The following EYS variants were observed in gnomAD, a reference collection of about 807,000 sequenced individuals.
The protein encoded by EYS is EGF-like photoreceptor maintenance factor.
A neutral mutation model predicts 282.1 loss-of-function variants in EYS; 250 were observed. The ratio of observed to expected loss-of-function variants is 0.89; its 90% CI spans 0.80 to 0.98. The LOEUF (loss-of-function observed/expected upper bound fraction) is 0.98, where lower values mean the gene tolerates loss of function less well. Among genes scored for constraint, EYS ranks in the 50% least tolerant of loss-of-function variants. The probability of loss-of-function intolerance (pLI) is 0.00; values close to 1 mark genes in which losing one functional copy is unlikely to be tolerated. For missense variants in EYS, 4,016 were observed against 3,709.0 expected (o/e 1.08, Z -2.15); for synonymous variants, 1,355 against 1,282.9 (o/e 1.06, Z -1.20).
At chr6:64,907,055 T>A (rs1226155863) in intron 16 of EYS, among the ~76,000 whole-genome samples, 2 of 152,124 alleles carry the variant, frequency 1.3e-5, no homozygotes, top group Non-Finnish European at 2.9e-5. Context: ...TTTATTATTA[T>A]TATTTTTTAT....
At chr6:64,264,416 A>G (rs867372987) in intron 30 of EYS, among the ~76,000 whole-genome samples, 22 of 152,136 alleles carry the variant, frequency 1.4e-4, no homozygotes, top group African/African-American at 5.1e-4. Flanking sequence ...TCTGTTCCAC[A>G]AGTTATCTCT....
In EYS at chr6:65,256,181, G is replaced by T. The variant is rs572239938; in HGVS notation, c.2023+39682C>A. 2.6e-5 allele frequency among the ~76,000 whole-genome samples: 4 copies of T among 151,670 alleles called. No homozygotes were observed. In the South Asian group the frequency reaches 8.3e-4, roughly 32 times the overall value. ...CTATTCAGTCATAAAAAAGAATGCG[G>T]TCCTATCATTGGCAACAACATGAAT... On this transcript the variant is annotated intron_variant, in intron 12 of 42. Transcript: ENST00000503581.
intron 11 of EYS, among the ~76,000 whole-genome samples, chr6:65,324,866 G>A (rs1262824601): frequency 6.6e-6 from 1 of 152,216 alleles, no homozygotes; most frequent in Non-Finnish European, 1.5e-5. Flanking sequence ...TCCTCACGAA[G>A]TGTCAGAGAG....
intron 36 of EYS, among the ~76,000 whole-genome samples, chr6:63,835,388 C>T (rs1771778934): frequency 6.6e-6 from 1 of 151,044 alleles, no homozygotes; most frequent in Non-Finnish European, 1.5e-5. Context: ...TACTACACAG[C>T]CATAGAAAGG....
At chr6:65,444,207 T>C (rs948646254) in intron 5 of EYS, among the ~76,000 whole-genome samples, 1 of 151,964 alleles carries the variant, frequency 6.6e-6, no homozygotes, top group Non-Finnish European at 1.5e-5. Flanking sequence ...AGTCTCAAAA[T>C]ATATATTTTT....
intron 31 of EYS, among the ~76,000 whole-genome samples, chr6:64,206,171 T>C (rs997971533): frequency 6.6e-6 from 1 of 152,150 alleles, no homozygotes; most frequent in Non-Finnish European, 1.5e-5. Context: ...TAAAAATAAG[T>C]TTATTCTATT....
At chr6:65,092,906 G>A (rs1774617050) in intron 12 of EYS, among the ~76,000 whole-genome samples, 1 of 152,102 alleles carries the variant, frequency 6.6e-6, no homozygotes, top group South Asian at 2.1e-4. Context: ...AAGGCAGAAA[G>A]CTTATCTAAA....
At chr6:64,125,793 A>G (rs1246182486) in intron 31 of EYS, among the ~76,000 whole-genome samples, 1 of 150,360 alleles carries the variant, frequency 6.7e-6, no homozygotes, top group East Asian at 1.9e-4. Context: ...CTCAAAAAAA[A>G]AAAAAAAAAA....
intron 31 of EYS, among the ~76,000 whole-genome samples, chr6:64,103,315 T>A (rs556020538): frequency 6.6e-6 from 1 of 152,208 alleles, no homozygotes; most frequent in Non-Finnish European, 1.5e-5. Flanking sequence ...GAAACACTTA[T>A]TCATTATAAA....
At chr6:65,280,765 C>T (rs1010196391) in intron 12 of EYS, among the ~76,000 whole-genome samples, 1 of 151,306 alleles carries the variant, frequency 6.6e-6, no homozygotes, top group African/African-American at 2.4e-5. Flanking sequence ...CGCCTGTAAT[C>T]CCAGCACTTT....
chr6:64,392,580 G>A (rs967154773), intron 28 of EYS, among the ~76,000 whole-genome samples: 67 of 151,868 alleles, frequency 4.4e-4, no homozygotes, highest in African/African-American at 1.6e-3. Flanking sequence ...TGAAACCAAT[G>A]AGAACAAAGA....
At chr6:65,690,388 C>T (rs1240772950) in intron 1 of EYS, among the ~76,000 whole-genome samples, 1 of 149,748 alleles carries the variant, frequency 6.7e-6, no homozygotes, top group Non-Finnish European at 1.5e-5. Flanking sequence ...TCCATATGGA[C>T]AGGTGCCCCT....
intron 2 of EYS, among the ~76,000 whole-genome samples, chr6:65,596,064 T>C (rs888036386): frequency 1.3e-5 from 2 of 152,034 alleles, no homozygotes; most frequent in Non-Finnish European, 2.9e-5. Context: ...CCGGTAAAAT[T>C]CTGAGGCCTG....
At chr6:65,671,374 T>G (rs1049513590) in intron 1 of EYS, among the ~76,000 whole-genome samples, 4 of 152,052 alleles carry the variant, frequency 2.6e-5, no homozygotes, top group African/African-American at 9.7e-5. Context: ...TTTTGTAAGG[T>G]TCTAAAATTT....
intron 36 of EYS, among the ~76,000 whole-genome samples, chr6:63,825,191 A>G (rs1472809547): frequency 6.6e-6 from 1 of 152,094 alleles, no homozygotes; most frequent in Admixed American, 6.5e-5. Flanking sequence ...CCTCCTAGGT[A>G]CACAACTCCA....
At chr6:65,539,730 C>A (rs1294370435) in intron 2 of EYS, among the ~76,000 whole-genome samples, 1 of 152,136 alleles carries the variant, frequency 6.6e-6, no homozygotes, top group Non-Finnish European at 1.5e-5. Flanking sequence ...CAGCAGTTTG[C>A]TTTAAAAAAT....
In EYS at chr6:64,346,298, A is replaced by G. The variant is rs527798682; in HGVS notation, c.6079-39216T>C. Among the ~76,000 whole-genome samples the G allele has an allele frequency of 2.0e-3, 308 of 152,252 alleles. 1 individual carries two copies. Among genetic ancestry groups the G allele is most frequent in the Admixed American group, 3.3e-3 (51 of 15,270 alleles). On this transcript the variant is annotated intron_variant, in intron 29 of 42. Transcript: ENST00000503581. ...TTCACAATAGCAAAGACTTGGAACC[A>G]ACCCAAATATCCAACAATGATAGAC...
chr6:64,557,730 T>C (rs62415794), intron 26 of EYS, among the ~76,000 whole-genome samples: 14,988 of 152,036 alleles, frequency 0.099, 922 homozygotes, highest in East Asian at 0.16. Flanking sequence ...GAAGCAGTAA[T>C]TTATTATAGG....
In EYS at chr6:65,138,227, G is replaced by A. The variant is rs559730157; in HGVS notation, c.2024-80500C>T. On this transcript the variant is annotated intron_variant, in intron 12 of 42. Transcript: ENST00000503581. ...ATAGTTAATATCATTAGTAATCACA[G>A]AAATGCAAATTGAACTATTAAGATA... Among the ~76,000 whole-genome samples, 30 of 152,160 alleles carry A rather than the reference G, an allele frequency of 2.0e-4. 1 individual carries two copies. The highest frequency in any genetic ancestry group is 1.5e-5 in the Non-Finnish European group (1 of 67,968).
Sources: allele counts gnomAD v4.1 joint callset (sites outside exome capture counted in the v4.1 genomes callset), GRCh38; gene constraint gnomAD v4.1.1; transcripts MANE v1.5; gene names NCBI Gene and HGNC (gene_info 2026-07-23, HGNC 2026-07-21).